The following DLG2 variants were observed in gnomAD, a reference collection of about 807,000 sequenced individuals.
The protein encoded by DLG2 is disks large homolog 2.
In DLG2, 45 loss-of-function variants were observed where a neutral mutation model predicts 132.5. The observed-to-expected ratio is 0.34, with a 90% CI of 0.27 to 0.44. The LOEUF (loss-of-function observed/expected upper bound fraction) is 0.44. Among genes scored for constraint, DLG2 ranks in the 20% least tolerant of loss-of-function variants. The probability of loss-of-function intolerance (pLI) is 1.00; values close to 1 mark genes in which losing one functional copy is unlikely to be tolerated. For missense variants in DLG2, 1,045 were observed against 1,196.9 expected, an observed-to-expected ratio of 0.87 and a Z score of 1.87; for synonymous variants, 424 against 419.6, an observed-to-expected ratio of 1.01 and a Z score of -0.13.
chr11:85,052,208 C>T (rs929324555), intron 6 of DLG2, among the ~76,000 whole-genome samples: 7 of 152,124 alleles, frequency 4.6e-5, no homozygotes, highest in Non-Finnish European at 8.8e-5. Flanking sequence ...TCCTAGGTGA[C>T]AAAAATCAGA....
intron 5 of DLG2, among the ~76,000 whole-genome samples, chr11:85,151,861 C>G (rs1331299194): frequency 2.0e-5 from 3 of 152,158 alleles, no homozygotes; most frequent in Admixed American, 6.5e-5. Context: ...ATTGATTAGG[C>G]TATTTAGTGT....
intron 11 of DLG2, among the ~76,000 whole-genome samples, chr11:84,051,031 C>G (rs888289723): frequency 6.6e-6 from 1 of 151,902 alleles, no homozygotes; most frequent in Non-Finnish European, 1.5e-5. Flanking sequence ...AAATGCTCAT[C>G]ATCGCTGGCC....
At chr11:85,593,898 T>C (rs947701994) in intron 3 of DLG2, among the ~76,000 whole-genome samples, 3 of 152,176 alleles carry the variant, frequency 2.0e-5, no homozygotes, top group African/African-American at 2.4e-5. Context: ...TTAATGTCTC[T>C]TTTCCCCTAC....
In DLG2 at chr11:84,549,658, T is replaced by C. The variant is rs930235753; in HGVS notation, c.358-14927A>G. ...CTAATAATGTATGACAGTGTCACTA[T>C]AGGAAATTGATGAGATAATATGCCC... On this transcript the variant is annotated intron_variant, in intron 6 of 27. Transcript: ENST00000376104. 1.1e-4 allele frequency among the ~76,000 whole-genome samples: 17 copies of C among 152,170 alleles called. 1 individual carries two copies. The highest frequency in any genetic ancestry group is 1.0e-3 in the Admixed American group (16 of 15,276).
At chr11:85,148,161 C>A (rs1264937768) in intron 5 of DLG2, among the ~76,000 whole-genome samples, 2 of 152,068 alleles carry the variant, frequency 1.3e-5, no homozygotes, top group Non-Finnish European at 1.5e-5. Context: ...AATTGATGGG[C>A]ATTTGGGTTG....
chr11:83,555,845 C>T (rs1440953710), intron 19 of DLG2, among the ~76,000 whole-genome samples: 1 of 152,184 alleles, frequency 6.6e-6, no homozygotes. Flanking sequence ...TTATTGATAT[C>T]ATGACATCTC....
chr11:84,950,530 A>C (rs2050779734), intron 6 of DLG2, among the ~76,000 whole-genome samples: 1 of 152,224 alleles, frequency 6.6e-6, no homozygotes, highest in South Asian at 2.1e-4. Flanking sequence ...TTAAATATAT[A>C]TAAATCTATA....
chr11:83,913,167 C>G (rs2076353233), intron 15 of DLG2, among the ~76,000 whole-genome samples: 1 of 151,934 alleles, frequency 6.6e-6, no homozygotes, highest in East Asian at 1.9e-4. Flanking sequence ...CAGAATATGC[C>G]CTCGATTATA....
Position 84,833,113 on chromosome 11 carries a change from G to T in DLG2, c.357+278548C>A, listed in dbSNP as rs1197996368. Among the ~76,000 whole-genome samples, 4 of 151,390 alleles carry T rather than the reference G, an allele frequency of 2.6e-5. 1 individual carries two copies. Among genetic ancestry groups the T allele is most frequent in the African/African-American group, 9.7e-5 (4 of 41,284 alleles). ...AATTGAATCCTCACTCCCAAAGAAGGTAATTGAAAGCCTTCTCTATTTAGT... is the reference window on the plus strand; with the variant it reads ...AATTGAATCCTCACTCCCAAAGAAGTTAATTGAAAGCCTTCTCTATTTAGT... On this transcript the variant is annotated intron_variant, in intron 6 of 27. Transcript: ENST00000376104.
At chr11:84,871,367 T>C (rs921782199) in intron 6 of DLG2, among the ~76,000 whole-genome samples, 3 of 152,160 alleles carry the variant, frequency 2.0e-5, no homozygotes, top group Non-Finnish European at 4.4e-5. Flanking sequence ...CATATGACAG[T>C]GTGGTTTGGA....
At chr11:84,893,690 A>G (rs1175832385) in intron 6 of DLG2, among the ~76,000 whole-genome samples, 2 of 152,164 alleles carry the variant, frequency 1.3e-5, no homozygotes, top group Non-Finnish European at 2.9e-5. Context: ...TTAGAACTTT[A>G]AAATATTTGG....
chr11:85,575,167 C>A (rs989165997), intron 3 of DLG2, among the ~76,000 whole-genome samples: 1 of 150,148 alleles, frequency 6.7e-6, no homozygotes, highest in African/African-American at 2.4e-5. Context: ...AAAAAAAAAT[C>A]TTTATAATGG....
At chr11:84,370,807 G>C (rs1045750452) in intron 7 of DLG2, among the ~76,000 whole-genome samples, 1 of 152,112 alleles carries the variant, frequency 6.6e-6, no homozygotes, top group Non-Finnish European at 1.5e-5. Context: ...AGGTTCCTGA[G>C]CCAGACTGAA....
intron 18 of DLG2, among the ~76,000 whole-genome samples, chr11:83,765,878 T>G (rs183320948): frequency 6.6e-6 from 1 of 152,184 alleles, no homozygotes; most frequent in Non-Finnish European, 1.5e-5. Context: ...ATAGTGATAG[T>G]GTATGTTTGT....
intron 3 of DLG2, among the ~76,000 whole-genome samples, chr11:85,525,391 A>G (rs2153184987): frequency 6.6e-6 from 1 of 152,306 alleles, no homozygotes; most frequent in African/African-American, 2.4e-5. Context: ...ATCATTATCT[A>G]TCCTTGTCTG....
chr11:85,101,992 C>T (rs1008865205), intron 6 of DLG2, among the ~76,000 whole-genome samples: 5 of 151,916 alleles, frequency 3.3e-5, no homozygotes, highest in African/African-American at 1.2e-4. Context: ...GAAGAAAGAC[C>T]TTCAAATGTG....
intron 18 of DLG2, among the ~76,000 whole-genome samples, chr11:83,733,819 G>T (rs1273010494): frequency 6.6e-6 from 1 of 152,124 alleles, no homozygotes; most frequent in Non-Finnish European, 1.5e-5. Flanking sequence ...TTTGTTACAT[G>T]GATATATTGT....
In DLG2 at chr11:84,098,938, T is replaced by G. The variant is rs2092134925; in HGVS notation, c.734A>C (p.Glu245Ala). ...TKIIPGGAAAEDGRLRVNDCI... is the reference protein window; with the variant it reads ...TKIIPGGAAAADGRLRVNDCI... ...AGATCTTTACCTGAGTCTGCCATCC[T>G]CTGCTGCAGCACCTCCTGGTATAAT... The change falls in exon 10 of 28, where the codon GAG becomes GCG. Residue 245 changes from glutamate (E) to alanine (A), a missense_variant. Around this residue, in one of 4 missense-constraint regions of DLG2, gnomAD observed 109 missense variants for 159.1 expected, o/e 0.69. Transcript: ENST00000376104. 1.2e-6 allele frequency: 2 copies of G among 1,613,322 alleles called. No individual in the cohort carries two copies. The highest frequency in any genetic ancestry group is 1.7e-6 in the Non-Finnish European group (2 of 1,179,720).
At chr11:85,187,203 G>A (rs1347358292) in intron 4 of DLG2, among the ~76,000 whole-genome samples, 5 of 152,002 alleles carry the variant, frequency 3.3e-5, no homozygotes, top group Non-Finnish European at 5.9e-5. Flanking sequence ...ACCGGCAATT[G>A]CTAAGACTTT....
Sources: gnomAD v4.1 joint callset for allele counts (sites outside exome capture counted in the v4.1 genomes callset) on GRCh38, gnomAD v4.1.1 for gene constraint, gnomAD v4.1.1 regional missense constraint, MANE v1.5 for transcripts, NCBI Gene and HGNC (gene_info 2026-07-23, HGNC 2026-07-21) for gene names.